The following NDUFB3 variants were observed in gnomAD, a reference collection of about 807,000 sequenced individuals.
The protein encoded by NDUFB3 is NADH:ubiquinone oxidoreductase subunit B3.
A neutral mutation model predicts 9.0 loss-of-function variants in NDUFB3; 7 were observed. That is an observed-to-expected ratio of 0.78 (90% CI 0.44 to 1.46). NDUFB3 has a LOEUF of 1.46. NDUFB3 is among the 40% of genes most tolerant of loss of function. The pLI is 0.01. For missense variants in NDUFB3, 93 were observed against 115.4 expected (o/e 0.81, Z 0.89); for synonymous variants, 29 against 38.5 (o/e 0.75, Z 0.91).
At chr2:201,081,387 A>ATT (rs2047220421) in intron 2 of NDUFB3, among the ~76,000 whole-genome samples, 5 of 151,682 alleles carry the variant, frequency 3.3e-5, no homozygotes, top group African/African-American at 1.2e-4. Flanking sequence ...GGAGGCTGAG[A>ATT]CAGGAGAATC....
chr2:201,084,335 C>T (rs982915859), intron 2 of NDUFB3, among the ~76,000 whole-genome samples: 1 of 151,828 alleles, frequency 6.6e-6, no homozygotes, highest in African/African-American at 2.4e-5. Flanking sequence ...GTGGCGGGCA[C>T]CTATAATCCC....
At chr2:201,082,914 C>T (rs556117897) in intron 2 of NDUFB3, among the ~76,000 whole-genome samples, 4 of 150,846 alleles carry the variant, frequency 2.7e-5, no homozygotes, top group Non-Finnish European at 5.9e-5. Flanking sequence ...GGGGTTTCAC[C>T]TTGTTAGCCA....
intron 2 of NDUFB3, among the ~76,000 whole-genome samples, chr2:201,080,932 C>T (rs1263368933): frequency 1.3e-5 from 2 of 151,024 alleles, no homozygotes; most frequent in African/African-American, 2.4e-5. Flanking sequence ...CTGGATCTCC[C>T]GACCTCATGA....
intron 2 of NDUFB3, among the ~76,000 whole-genome samples, chr2:201,084,734 A>G (rs1402363366): frequency 6.6e-6 from 1 of 152,208 alleles, no homozygotes; most frequent in African/African-American, 2.4e-5. Context: ...TGGTATCCCA[A>G]TTAGATTTAA....
intron 1 of NDUFB3, among the ~76,000 whole-genome samples, chr2:201,076,785 T>A (rs1006581055): frequency 6.6e-6 from 1 of 151,754 alleles, no homozygotes; most frequent in Non-Finnish European, 1.5e-5. Context: ...TAATTACCTC[T>A]CTCTTCTGAG....
chr2:201,082,979 C>G (rs1260021854), intron 2 of NDUFB3, among the ~76,000 whole-genome samples: 1 of 152,090 alleles, frequency 6.6e-6, no homozygotes, highest in Non-Finnish European at 1.5e-5. Flanking sequence ...TCCCAAAGTG[C>G]TGGGATTACA....
At chr2:201,075,631 A>T (rs2047156363) in intron 1 of NDUFB3, among the ~76,000 whole-genome samples, 1 of 152,080 alleles carries the variant, frequency 6.6e-6, no homozygotes, top group Non-Finnish European at 1.5e-5. Context: ...TTCTGAAATA[A>T]TTAGGTAGAA....
intron 1 of NDUFB3, among the ~76,000 whole-genome samples, chr2:201,075,447 T>C (rs1285982258): frequency 2.0e-5 from 3 of 150,812 alleles, no homozygotes; most frequent in East Asian, 2.0e-4. Flanking sequence ...GTTCCTGTAG[T>C]CCCAGCTACT....
At chr2:201,075,699 C>G (rs780735286) in intron 1 of NDUFB3, among the ~76,000 whole-genome samples, 1 of 151,012 alleles carries the variant, frequency 6.6e-6, no homozygotes, top group East Asian at 1.9e-4. Flanking sequence ...AGGGTATGTA[C>G]GCTTTCATGT....
chr2:201,076,512 T>TATATATATATATAA (rs1250913348), intron 1 of NDUFB3, among the ~76,000 whole-genome samples: 16 of 134,426 alleles, frequency 1.2e-4, no homozygotes, highest in African/African-American at 4.5e-4. Context: ...TATATATATA[T>TATATATATATATAA]AATTAAATGT....
chr2:201,077,674 T>C (rs910603857), intron 1 of NDUFB3, among the ~76,000 whole-genome samples: 9 of 152,364 alleles, frequency 5.9e-5, no homozygotes, highest in Non-Finnish European at 1.3e-4. Flanking sequence ...GAGTTCCATT[T>C]TTTTCGTCAG....
intron 1 of NDUFB3, among the ~76,000 whole-genome samples, chr2:201,076,621 T>A (rs1007166904): frequency 1.3e-5 from 2 of 151,582 alleles, no homozygotes; most frequent in Admixed American, 6.6e-5. Flanking sequence ...TTCTCATATC[T>A]TGGAACTACT....
At chr2:201,080,644 C>A (rs1315701551) in intron 2 of NDUFB3, among the ~76,000 whole-genome samples, 1 of 151,760 alleles carries the variant, frequency 6.6e-6, no homozygotes, top group East Asian at 1.9e-4. Context: ...ATTAATATGT[C>A]CACCCTTATG....
intron 2 of NDUFB3, among the ~76,000 whole-genome samples, chr2:201,083,197 T>C (rs1358504525): frequency 6.6e-6 from 1 of 152,200 alleles, no homozygotes; most frequent in Non-Finnish European, 1.5e-5. Context: ...ATGAAAGTGG[T>C]GGACGTCCTT....
intron 2 of NDUFB3, among the ~76,000 whole-genome samples, chr2:201,082,839 G>A (rs1420711756): frequency 2.7e-5 from 4 of 147,422 alleles, no homozygotes; most frequent in African/African-American, 7.5e-5. Context: ...TCAGCCTCCC[G>A]AGTAGCTGGG....
intron 2 of NDUFB3, among the ~76,000 whole-genome samples, chr2:201,080,723 GAGAC>G (rs2047213010): frequency 3.4e-5 from 1 of 29,076 alleles, no homozygotes; most frequent in Non-Finnish European, 7.4e-5. Flanking sequence ...TTTTTTTTTT[GAGAC>G]AGAGTCTCAC....
At chr2:201,080,438 C>A (rs1343017797) in intron 2 of NDUFB3, among the ~76,000 whole-genome samples, 1 of 152,126 alleles carries the variant, frequency 6.6e-6, no homozygotes, top group Non-Finnish European at 1.5e-5. Flanking sequence ...GATGTGATGA[C>A]ACACACATGT....
chr2:201,082,783 G>A (rs1199825278), intron 2 of NDUFB3, among the ~76,000 whole-genome samples: 4 of 139,328 alleles, frequency 2.9e-5, no homozygotes, highest in Admixed American at 1.6e-4. Flanking sequence ...GCGCAATCTC[G>A]GCTCACTGCA....
chr2:201,079,476 G>T (rs2125535223), intron 2 of NDUFB3, among the ~76,000 whole-genome samples: 1 of 149,560 alleles, frequency 6.7e-6, no homozygotes, highest in East Asian at 2.0e-4. Context: ...TTGAGACAGG[G>T]TCTCACTCTG....
Sources: gnomAD v4.1 joint callset for allele counts (sites outside exome capture counted in the v4.1 genomes callset) on GRCh38, gnomAD v4.1.1 for gene constraint, MANE v1.5 for transcripts, NCBI Gene and HGNC (gene_info 2026-07-23, HGNC 2026-07-21) for gene names.